Variants in PNISR observed in about 807,000 individuals in gnomAD.
The protein encoded by PNISR is arginine/serine-rich protein PNISR.
In PNISR, 20 loss-of-function variants were observed where a neutral mutation model predicts 93.4. The observed-to-expected ratio is 0.21, with a 90% CI of 0.15 to 0.31. PNISR has a LOEUF of 0.31. Ranked by LOEUF, PNISR falls within the 10% of genes least tolerant of loss-of-function variation. The pLI, the probability that PNISR is intolerant of heterozygous loss-of-function variation, is 1.00. For synonymous variants in PNISR, 305 were observed against 306.5 expected, an observed-to-expected ratio of 0.99 and a Z score of 0.05; for missense variants, 893 against 985.4, an observed-to-expected ratio of 0.91 and a Z score of 1.25.
Position 99,409,355 on chromosome 6 carries a change from A to G in PNISR, c.502-11T>C. 1 of 1,611,224 alleles carries G rather than the reference A, an allele frequency of 6.2e-7. No individual in the cohort carries two copies. Among genetic ancestry groups the G allele is most frequent in the Non-Finnish European group, 8.5e-7 (1 of 1,178,998 alleles). On this transcript the variant is annotated splice_polypyrimidine_tract_variant and intron_variant, in intron 5 of 11. Transcript: ENST00000369239. ...AAAAGCAGCCCCATGCTGAAAGAGT[A>G]TTGCAGTTTATTTTTTCTTCAAATT...
chr6:99,421,564 C>G (rs1374027270), intron 1 of PNISR, among the ~76,000 whole-genome samples: 8 of 152,082 alleles, frequency 5.3e-5, no homozygotes, highest in Non-Finnish European at 1.2e-4. Flanking sequence ...GTAGATGGCT[C>G]TATAAGCCAA....
intron 4 of PNISR, 80 bp downstream of exon 4, chr6:99,412,471 T>C: frequency 1.0e-6 from 1 of 981,970 alleles, no homozygotes; most frequent in Non-Finnish European, 1.5e-6. Flanking sequence ...GTCATACAAC[T>C]AAGCAAATTA....
Position 99,408,271 on chromosome 6 carries a change from T to G in PNISR, c.674A>C (p.Asp225Ala). ...GGGAAGAGTCCTGCGTTTTACTGCG[T>G]CTGTTTCACGTGGGAAAAATATACG... ...LPVKQEPPQI[D>A]AVKRRTLPAW... is the part of the protein sequence containing the mutation. The change falls in exon 7 of 12, where the codon GAC becomes GCC. Residue 225 changes from aspartate to alanine, a missense_variant and splice_region_variant. Physicochemically the swap from Asp to Ala is moderately radical, Grantham distance 126. Coordinates refer to ENST00000369239, the MANE Select transcript of PNISR (RefSeq NM_032870.4). 1.3e-6 allele frequency: 2 copies of G among 1,596,738 alleles called. No homozygotes were observed. Among genetic ancestry groups the G allele is most frequent in the Non-Finnish European group, 1.7e-6 (2 of 1,171,986 alleles).
chr6:99,416,432 G>A lies in PNISR; in HGVS notation c.-111-4C>T, dbSNP rs1777705444. 1 of 1,158,230 alleles carries A rather than the reference G, an allele frequency of 8.6e-7. No homozygotes were observed. 71.7% of individuals were successfully genotyped at this position (1,158,230 alleles called of 1,614,324 possible). A position where few individuals can be genotyped will look rare whatever the true frequency, so the allele number is the denominator to read the frequency against. On this transcript the variant is annotated splice_region_variant and splice_polypyrimidine_tract_variant and intron_variant, in intron 1 of 11. Coordinates refer to ENST00000369239, the MANE Select transcript of PNISR (RefSeq NM_032870.4). Reference sequence around the variant, plus strand: ...TAGCAGCAAGATTATGTATGCCCTAGGGGGAAAAAAAGTAGATGTCTGCTT... The same window carrying A: ...TAGCAGCAAGATTATGTATGCCCTAAGGGGAAAAAAAGTAGATGTCTGCTT...
At chr6:99,404,787 C>A (rs940124211) in intron 8 of PNISR, 85 bp from the exon 9 acceptor site, 20 of 715,478 alleles carry the variant, frequency 2.8e-5, no homozygotes, top group Non-Finnish European at 4.0e-5. Context: ...AATGCAAAGC[C>A]ATTTTTTTTT....
intron 5 of PNISR, 139 bp downstream of exon 5, chr6:99,410,602 A>G: frequency 1.7e-6 from 1 of 573,812 alleles, no homozygotes; most frequent in Non-Finnish European, 3.1e-6. Context: ...ATACTCAAAA[A>G]TTGATAACTG....
chr6:99,423,480 G>C (rs892853999), intron 1 of PNISR, among the ~76,000 whole-genome samples: 1 of 152,164 alleles, frequency 6.6e-6, no homozygotes, highest in Non-Finnish European at 1.5e-5. Context: ...AGGGGTGGGG[G>C]AAGTAACTTT....
chr6:99,409,682 T>C (rs1331733805), intron 5 of PNISR: 1 of 177,832 alleles, frequency 5.6e-6, no homozygotes, highest in Non-Finnish European at 1.2e-5. Flanking sequence ...CTAGACATTT[T>C]TGTCAATTTC....
intron 3 of PNISR, among the ~76,000 whole-genome samples, chr6:99,414,244 A>G (rs972335022): frequency 2.3e-4 from 35 of 152,364 alleles, no homozygotes; most frequent in African/African-American, 8.2e-4. Context: ...TCAATATAAT[A>G]TACAACTTTA....
intron 5 of PNISR, 159 bp from the exon 6 acceptor site, chr6:99,409,503 C>T (rs1776617882): frequency 1.7e-6 from 1 of 585,676 alleles, no homozygotes; most frequent in South Asian, 2.8e-5. Flanking sequence ...GTCCCAAGAA[C>T]CTAGGCTTAC....
chr6:99,412,840 A>C, intron 3 of PNISR, 101 bp from the exon 4 acceptor site: 1 of 745,016 alleles, frequency 1.3e-6, no homozygotes. Context: ...TAGATCTTAA[A>C]TATTTCAGAC....
chr6:99,413,434 C>T (rs867036312), intron 3 of PNISR, among the ~76,000 whole-genome samples: 1 of 143,324 alleles, frequency 7.0e-6, no homozygotes, highest in Admixed American at 7.0e-5. Flanking sequence ...ATCCATCCAT[C>T]CATTCATCCA....
chr6:99,407,067 C>G (rs185501381), intron 7 of PNISR, among the ~76,000 whole-genome samples: 19 of 152,188 alleles, frequency 1.2e-4, no homozygotes, highest in Admixed American at 1.0e-3. Context: ...TGTCTGTAAT[C>G]CCAGCACTTT....
intron 2 of PNISR, chr6:99,414,908 T>C (rs1181227345): frequency 3.1e-5 from 9 of 289,438 alleles, no homozygotes; most frequent in Non-Finnish European, 5.7e-5. Context: ...CATAACACAA[T>C]GAATTTAGCT....
rs1775167968 is a variant in PNISR, at chr6:99,399,072, G to A, written c.*1468C>T. On this transcript the variant is annotated 3_prime_UTR_variant, in exon 12 of 12. Coordinates refer to ENST00000369239, the MANE Select transcript of PNISR (RefSeq NM_032870.4). ...ACAAATCTATTTCTATCTTCATGTTGAGGAAACACTGATCTTGGCAAAAAT... is the reference window on the plus strand; with the variant it reads ...ACAAATCTATTTCTATCTTCATGTTAAGGAAACACTGATCTTGGCAAAAAT... 6.6e-6 allele frequency: 1 copy of A among 152,140 alleles called. No individual in the cohort carries two copies. The highest frequency in any genetic ancestry group is 1.9e-4 in the East Asian group (1 of 5,192). 9.4% of individuals were successfully genotyped at this position (152,140 alleles called of 1,614,324 possible).
chr6:99,419,361 G>A (rs1315364618), intron 1 of PNISR, among the ~76,000 whole-genome samples: 1 of 151,870 alleles, frequency 6.6e-6, no homozygotes, highest in African/African-American at 2.4e-5. Flanking sequence ...TTAAATTAAA[G>A]GCAAGTTAAA....
At chr6:99,414,962 A>G (rs1008739563) in intron 2 of PNISR, 1 of 177,842 alleles carries the variant, frequency 5.6e-6, no homozygotes, top group Non-Finnish European at 1.2e-5. Context: ...TACAATATAA[A>G]TTTCTGGATA....
rs542763796 is a variant in PNISR at position 99,424,836 on chromosome 6, G to A, written c.-112+379C>T. On this transcript the variant is annotated intron_variant, in intron 1 of 11. Transcript: ENST00000369239. ...GCCTGCGTAGTCAGAGCCTCAAAGG[G>A]TATAAGCTCCAGGTCGCGAGCCCCC... 8 of 175,716 alleles carry A rather than the reference G, an allele frequency of 4.6e-5. No individual in the cohort carries two copies. In the East Asian group the frequency reaches 1.2e-3, roughly 27 times the overall value. 10.9% of individuals were successfully genotyped at this position (175,716 alleles called of 1,614,324 possible).
chr6:99,412,818 T>C, intron 3 of PNISR, 79 bp from the exon 4 acceptor site: 3 of 871,000 alleles, frequency 3.4e-6, no homozygotes, highest in Non-Finnish European at 5.1e-6. Flanking sequence ...AATAAGCAGC[T>C]CAACTATTCC....
Sources: gnomAD v4.1 joint callset for allele counts (sites outside exome capture counted in the v4.1 genomes callset) on GRCh38, gnomAD v4.1.1 for gene constraint, MANE v1.5 for transcripts, NCBI Gene and HGNC (gene_info 2026-07-23, HGNC 2026-07-21) for gene names.